The following SRSF4 variants were observed in gnomAD, a reference collection of about 807,000 sequenced individuals.
SRSF4 encodes serine and arginine rich splicing factor 4, also known as serine/arginine-rich splicing factor 4.
In SRSF4, 12 loss-of-function variants were observed where a neutral mutation model predicts 48.8. The ratio of observed to expected loss-of-function variants is 0.25; its 90% CI spans 0.16 to 0.40. The LOEUF is 0.40. Among genes scored for constraint, SRSF4 ranks in the 10% least tolerant of loss-of-function variants. SRSF4 has a pLI of 1.00. For missense variants in SRSF4, 466 were observed against 667.1 expected (o/e 0.70, Z 3.32); for synonymous variants, 248 against 232.5 (o/e 1.07, Z -0.61).
In SRSF4 at chr1:29,148,196, A is replaced by AT. The variant is rs1309701065; in HGVS notation, c.*213dup. Reference sequence around the variant, plus strand: ...TACTGTGGGCCATGAGTAAAAGGGGATTTTCAAAGAGAAAATTTTTTTCAG... The same window carrying AT: ...TACTGTGGGCCATGAGTAAAAGGGGATTTTTCAAAGAGAAAATTTTTTTCAG... On this transcript the variant is annotated 3_prime_UTR_variant, in exon 6 of 6. Transcript: ENST00000373795. 5.5e-6 allele frequency: 4 copies of AT among 732,834 alleles called. No individual in the cohort carries two copies. Among genetic ancestry groups the AT allele is most frequent in the Non-Finnish European group, 9.5e-6 (4 of 419,288 alleles). 45.4% of individuals were successfully genotyped at this position (732,834 alleles called of 1,614,324 possible).
At chr1:29,149,682 AGG>A (rs71806205) in intron 5 of SRSF4, among the ~76,000 whole-genome samples, 1 of 90,862 alleles carries the variant, frequency 1.1e-5, no homozygotes, top group Non-Finnish European at 2.2e-5. Context: ...CTCTGTCTTG[AGG>A]GGGGAAAAAA....
At position 29,160,544 on chromosome 1, in the gene SRSF4, T is replaced by C. The variant is rs116358725; in HGVS notation, c.108-27A>G. 6.0e-4 allele frequency: 941 copies of C among 1,572,138 alleles called. 1 individual carries two copies. The highest frequency in any genetic ancestry group is 8.5e-4 in the Middle Eastern group (5 of 5,902). On this transcript the variant is annotated intron_variant, in intron 1 of 5. Coordinates refer to ENST00000373795, the MANE Select transcript of SRSF4 (RefSeq NM_005626.5). ...TAGAAGAGAGCAAAGAAAATACTGG[T>C]TGGTACCATTTTGACATCCAGCTTC...
Position 29,148,938 on chromosome 1 carries a change from C to T in SRSF4, c.957G>A (p.Arg319=), listed in dbSNP as rs1289200219. The T allele has an allele frequency of 2.5e-6, 4 of 1,611,274 alleles. No individual in the cohort carries two copies. The highest frequency in any genetic ancestry group is 2.5e-6 in the Non-Finnish European group (3 of 1,179,280). The change falls in exon 6 of 6, where the codon AGG becomes AGA. Residue 319 remains arginine, a synonymous_variant. Coordinates refer to ENST00000373795, the MANE Select transcript of SRSF4 (RefSeq NM_005626.5). Reference sequence around the variant, plus strand: ...GGAGGCTCTTCTCCTGGCTCCTGCCCCTGCTCACACTCCCTCGCTTCTCCT... The same window carrying T: ...GGAGGCTCTTCTCCTGGCTCCTGCCTCTGCTCACACTCCCTCGCTTCTCCT... ...VEEEKRGSVS[R]GRSQEKSLRQ...
At position 29,154,725 on chromosome 1, in the gene SRSF4, C is replaced by A. The variant is rs989012650; in HGVS notation, c.549G>T (p.Arg183=). 1.2e-6 allele frequency: 2 copies of A among 1,614,184 alleles called. No homozygotes were observed. The highest frequency in any genetic ancestry group is 2.2e-5 in the East Asian group (1 of 44,880). The change falls in exon 4 of 6, where the codon CGG becomes CGT. Residue 183 remains arginine, a synonymous_variant. Transcript: ENST00000373795. ...AATGACTCCGGCTTCTGGAGTAGGA[C>A]CGGCGTCGTCTGGAACCTGGCTTGT... ...VEDKPGSRRR[R]SYSRSRSHSR...
intron 1 of SRSF4, among the ~76,000 whole-genome samples, chr1:29,181,075 G>C (rs1268836985): frequency 6.6e-6 from 1 of 152,208 alleles, no homozygotes; most frequent in African/African-American, 2.4e-5. Context: ...AGCACGGCAA[G>C]ACGATACTTT....
intron 3 of SRSF4, among the ~76,000 whole-genome samples, chr1:29,159,037 C>T (rs545604849): frequency 3.3e-4 from 50 of 151,714 alleles, no homozygotes; most frequent in South Asian, 1.3e-3. Flanking sequence ...ACCCGGGAGG[C>T]GGAGGCTGCA....
intron 1 of SRSF4, chr1:29,170,007 T>G (rs765686713): frequency 1.3e-5 from 2 of 152,240 alleles, no homozygotes; most frequent in Non-Finnish European, 2.9e-5. Flanking sequence ...ACACTGCAAA[T>G]AGTTTGTGGA....
intron 1 of SRSF4, among the ~76,000 whole-genome samples, chr1:29,161,592 C>CTTAT (rs553751051): frequency 1.4e-4 from 21 of 152,278 alleles, no homozygotes; most frequent in Middle Eastern, 3.4e-3. Flanking sequence ...TTCCAGTTTA[C>CTTAT]TTATTTATTT....
Position 29,181,874 on chromosome 1 carries a change from G to C in SRSF4, c.-122C>G. 1.4e-6 allele frequency: 1 copy of C among 707,142 alleles called. No homozygotes were observed. Among genetic ancestry groups the C allele is most frequent in the Non-Finnish European group, 2.0e-6 (1 of 491,556 alleles). 43.8% of individuals were successfully genotyped at this position (707,142 alleles called of 1,614,324 possible). ...GGCGGGCGGCGGGACGGACGCAGCC[G>C]AACCCCGGCGACGTACGCGAGCACG... On this transcript the variant is annotated 5_prime_UTR_variant, in exon 1 of 6. Transcript: ENST00000373795.
chr1:29,154,492 TTTCTAA>T, intron 4 of SRSF4, 198 bp downstream of exon 4: 2 of 586,728 alleles, frequency 3.4e-6, no homozygotes, highest in Non-Finnish European at 5.8e-6. Context: ...AGGCCTCTGA[TTTCTAA>T]GAGAAGGGAC....
At chr1:29,150,022 TG>T in intron 5 of SRSF4, 80 bp downstream of exon 5, 1 of 1,207,848 alleles carries the variant, frequency 8.3e-7, no homozygotes, top group Non-Finnish European at 1.2e-6. Context: ...AGTGTCTCTT[TG>T]AAAAAAAAAA....
chr1:29,167,564 T>C lies in SRSF4; in HGVS notation c.108-7047A>G, dbSNP rs539969246. On this transcript the variant is annotated intron_variant, in intron 1 of 5. Transcript: ENST00000373795. ...CACGCCCAGCTAATTTTTATATTTT[T>C]AGTGGAGACGGGGTTTCACCATGTT... Among the ~76,000 whole-genome samples the C allele has an allele frequency of 3.9e-5, 6 of 152,368 alleles. No homozygotes were observed. The East Asian group carries it at 7.7e-4, about 20-fold the overall frequency.
chr1:29,153,622 C>T (rs1371878307), intron 4 of SRSF4, among the ~76,000 whole-genome samples: 4 of 143,488 alleles, frequency 2.8e-5, no homozygotes, highest in African/African-American at 5.2e-5. Context: ...TTTTTTGAGA[C>T]GGTGTTTTGC....
At chr1:29,150,024 A>G (rs529481988) in intron 5 of SRSF4, 79 bp downstream of exon 5, 6 of 1,009,390 alleles carry the variant, frequency 5.9e-6, no homozygotes, top group East Asian at 5.9e-5. Flanking sequence ...TGTCTCTTTG[A>G]AAAAAAAAAG....
At chr1:29,150,983 G>A (rs1029880315) in intron 4 of SRSF4, among the ~76,000 whole-genome samples, 5 of 152,164 alleles carry the variant, frequency 3.3e-5, no homozygotes, top group Non-Finnish European at 7.3e-5. Flanking sequence ...GACGAGAGCT[G>A]TTTTAAAGAG....
intron 4 of SRSF4, among the ~76,000 whole-genome samples, chr1:29,150,673 G>A (rs550564187): frequency 2.0e-5 from 3 of 152,294 alleles, no homozygotes; most frequent in African/African-American, 7.2e-5. Flanking sequence ...TGGTTCACCT[G>A]AACCTCTTAG....
intron 1 of SRSF4, 42 bp downstream of exon 1, chr1:29,181,604 G>C (rs772896762): frequency 6.5e-7 from 1 of 1,527,664 alleles, no homozygotes; most frequent in African/African-American, 1.4e-5. Context: ...CCACCTATGG[G>C]GTCTGTCCCC....
intron 1 of SRSF4, among the ~76,000 whole-genome samples, chr1:29,163,772 C>T (rs1177900125): frequency 6.6e-6 from 1 of 152,118 alleles, no homozygotes; most frequent in Non-Finnish European, 1.5e-5. Context: ...AAAAAAACCC[C>T]GCCGAGCTGG....
intron 4 of SRSF4, among the ~76,000 whole-genome samples, chr1:29,152,255 G>A (rs1574189512): frequency 6.6e-6 from 1 of 152,234 alleles, no homozygotes; most frequent in East Asian, 1.9e-4. Context: ...CAGATGGAAT[G>A]ATAGATGTCT....
Sources: gnomAD v4.1 joint callset for allele counts (sites outside exome capture counted in the v4.1 genomes callset) on GRCh38, gnomAD v4.1.1 for gene constraint, MANE v1.5 for transcripts, NCBI Gene and HGNC (gene_info 2026-07-23, HGNC 2026-07-21) for gene names.